Variants in CDH1 observed in about 807,000 individuals in gnomAD.
CDH1 encodes cadherin 1.
Under a neutral mutation model 84.5 loss-of-function variants are expected in CDH1, and 35 were observed. That is an observed-to-expected ratio of 0.41 (90% confidence interval 0.32 to 0.55). The LOEUF is 0.55. Ranked by LOEUF, CDH1 falls within the 20% of genes least tolerant of loss-of-function variation. The pLI is 0.19. For synonymous variants in CDH1, 417 were observed against 439.0 expected (o/e 0.95, Z 0.63); for missense variants, 994 against 1,126.6 (o/e 0.88, Z 1.68).
intron 13 of CDH1, among the ~76,000 whole-genome samples, chr16:68,827,909 A>G (rs988861235): frequency 2.6e-5 from 4 of 152,202 alleles, no homozygotes; most frequent in Non-Finnish European, 5.9e-5. Flanking sequence ...GATTTGGGAA[A>G]ATGACAGTGA....
At position 68,769,498 on chromosome 16, in the gene CDH1, A is replaced by G. The variant is rs188298035; in HGVS notation, c.163+31087A>G. Among the ~76,000 whole-genome samples, 913 of 151,534 alleles carry G rather than the reference A, an allele frequency of 6.0e-3. 9 individuals are homozygous for G. The highest frequency in any genetic ancestry group is 0.021 in the African/African-American group (871 of 41,302). ...TTTTTTTCCTCTTTTTAATTGAGACAGGGTCTCACTATGTTGCCCAGGCTG... is the reference window on the plus strand; with the variant it reads ...TTTTTTTCCTCTTTTTAATTGAGACGGGGTCTCACTATGTTGCCCAGGCTG... On this transcript the variant is annotated intron_variant, in intron 2 of 15. Coordinates refer to ENST00000261769, the MANE Select transcript of CDH1 (RefSeq NM_004360.5).
intron 2 of CDH1, among the ~76,000 whole-genome samples, chr16:68,775,141 A>AAG (rs1461308956): frequency 3.3e-5 from 5 of 151,112 alleles, no homozygotes; most frequent in African/African-American, 9.7e-5. Context: ...AAAAAAAAAA[A>AAG]GAAAAAAGAA....
chr16:68,819,522 TC>T, intron 11 of CDH1, 97 bp downstream of exon 11: 1 of 1,305,790 alleles, frequency 7.7e-7, no homozygotes, highest in Non-Finnish European at 1.1e-6. Context: ...TCATTCTTTT[TC>T]TTTTATCCTT....
intron 2 of CDH1, among the ~76,000 whole-genome samples, chr16:68,760,889 C>A (rs1212865713): frequency 6.6e-6 from 1 of 152,088 alleles, no homozygotes; most frequent in Non-Finnish European, 1.5e-5. Context: ...TACGGGGAGA[C>A]TCTCAGCCTC....
chr16:68,816,308 A>C (rs753114668), intron 10 of CDH1, among the ~76,000 whole-genome samples: 5 of 152,194 alleles, frequency 3.3e-5, no homozygotes, highest in Non-Finnish European at 7.3e-5. Flanking sequence ...CACCGCACCC[A>C]GCCCATAGTA....
rs1596970607 is a variant in CDH1, at chr16:68,828,165, C to G, written c.2165-9C>G. 1 of 1,613,722 alleles carries G rather than the reference C, an allele frequency of 6.2e-7. No individual in the cohort carries two copies. Among genetic ancestry groups the G allele is most frequent in the Non-Finnish European group, 8.5e-7 (1 of 1,179,764 alleles). On this transcript the variant is annotated splice_polypyrimidine_tract_variant and intron_variant, in intron 13 of 15. Transcript: ENST00000261769. ...CTCAACACTTGCTCTGTCTCCCCCA[C>G]CATCCCAGTTCTGATTCTGCTGCTC...
At chr16:68,796,172 A>C (rs542658505) in intron 2 of CDH1, among the ~76,000 whole-genome samples, 5 of 152,206 alleles carry the variant, frequency 3.3e-5, no homozygotes, top group African/African-American at 7.2e-5. Flanking sequence ...TTAAAAACAA[A>C]AAAAAAAGAA....
intron 2 of CDH1, among the ~76,000 whole-genome samples, chr16:68,743,007 G>A (rs1231191035): frequency 6.6e-6 from 1 of 152,184 alleles, no homozygotes; most frequent in Non-Finnish European, 1.5e-5. Context: ...TCTTGGGCCC[G>A]GCAAGGCCAT....
In CDH1 at chr16:68,823,620, T is replaced by G. The variant is rs1181973072; in HGVS notation, c.2158T>G (p.Leu720Val). The change falls in exon 13 of 16, where the codon TTG (leucine) becomes GTG (valine). Residue 720 changes from leucine (L) to valine (V), a missense_variant. Physicochemically the swap from Leu to Val is conservative, Grantham distance 32. This residue lies in a region of CDH1 where 769 missense variants were observed against 881.8 expected (regional missense o/e 0.87). Coordinates refer to ENST00000261769, the MANE Select transcript of CDH1 (RefSeq NM_004360.5). The stretch of plus-strand genomic sequence containing the variant: ...GGGGATTCTTGGAGGAATTCTTGCT[T>G]TGCTAAGTAAGTCCAGCTGGCAAGT... Reference protein sequence around the residue: ...ILGILGGILALLILILLLLLF... With the variant: ...ILGILGGILAVLILILLLLLF... 6.2e-7 allele frequency: 1 copy of G among 1,608,440 alleles called. No individual in the cohort carries two copies. The highest frequency in any genetic ancestry group is 1.1e-5 in the South Asian group (1 of 90,988).
chr16:68,743,279 G>A (rs1168166296), intron 2 of CDH1, among the ~76,000 whole-genome samples: 1 of 150,128 alleles, frequency 6.7e-6, no homozygotes, highest in Non-Finnish European at 1.5e-5. Flanking sequence ...TCCTTGCTGG[G>A]TCTCTTTCTT....
At chr16:68,812,765 G>A (rs1567507451) in intron 8 of CDH1, among the ~76,000 whole-genome samples, 1 of 152,204 alleles carries the variant, frequency 6.6e-6, no homozygotes, top group African/African-American at 2.4e-5. Context: ...ATAATGGCCA[G>A]GCGTGGTGGC....
In CDH1 at chr16:68,829,411, T is replaced by C. The variant is rs2276329; in HGVS notation, c.2296-243T>C. Among the ~76,000 whole-genome samples, 13,064 of 152,248 alleles carry C rather than the reference T, an allele frequency of 0.086. 572 individuals carry two copies. The highest frequency in any genetic ancestry group is 0.14 in the Middle Eastern group (40 of 294). ...AATCATCATGTCCTATGAAAATTAG[T>C]AAGGCACACAGCCTATATCTGGATC... On this transcript the variant is annotated intron_variant, in intron 14 of 15. Coordinates refer to ENST00000261769, the MANE Select transcript of CDH1 (RefSeq NM_004360.5).
chr16:68,795,496 T>A (rs116867142), intron 2 of CDH1, among the ~76,000 whole-genome samples: 3,190 of 148,852 alleles, frequency 0.021, 55 homozygotes, highest in Middle Eastern at 0.042. Context: ...TTTTTGTTTG[T>A]TTGTTTGTTT....
At chr16:68,772,017 GA>G (rs1959593043) in intron 2 of CDH1, among the ~76,000 whole-genome samples, 1 of 152,242 alleles carries the variant, frequency 6.6e-6, no homozygotes, top group Admixed American at 6.5e-5. Flanking sequence ...GCAGGCAGGA[GA>G]GGTGAAATCA....
intron 2 of CDH1, among the ~76,000 whole-genome samples, chr16:68,785,377 A>G (rs1178034228): frequency 3.3e-5 from 5 of 152,120 alleles, no homozygotes; most frequent in Admixed American, 2.0e-4. Context: ...TTTTTAGTAG[A>G]GACACGGTTT....
chr16:68,794,350 G>C (rs2152124213), intron 2 of CDH1, among the ~76,000 whole-genome samples: 1 of 152,074 alleles, frequency 6.6e-6, no homozygotes, highest in African/African-American at 2.4e-5. Context: ...GTGTCCATTA[G>C]CTCTTAGTAG....
At chr16:68,762,709 G>A (rs1357909654) in intron 2 of CDH1, among the ~76,000 whole-genome samples, 1 of 152,026 alleles carries the variant, frequency 6.6e-6, no homozygotes, top group African/African-American at 2.4e-5. Flanking sequence ...AGGAGTTTGA[G>A]ACCAGCCTGG....
At chr16:68,787,974 T>A (rs193116699) in intron 2 of CDH1, among the ~76,000 whole-genome samples, 365 of 151,652 alleles carry the variant, frequency 2.4e-3, no homozygotes, top group Middle Eastern at 6.8e-3. Flanking sequence ...TATAGGCATG[T>A]GCCACCACGC....
In CDH1 at chr16:68,738,311, C is replaced by T. The variant is rs1212723972; in HGVS notation, c.63C>T (p.Leu21=). Residue 21 remains leucine, a synonymous_variant, in exon 2 of 16, where the codon CTC becomes CTT. Coordinates refer to ENST00000261769, the MANE Select transcript of CDH1 (RefSeq NM_004360.5). ...CCCCACCCCAGGTCTCCTCTTGGCT[C>T]TGCCAGGAGCCGGAGCCCTGCCACC... The part of the protein sequence containing the change: ...LLLLLQVSSW[L]CQEPEPCHPG... The T allele has an allele frequency of 6.4e-7, 1 of 1,550,636 alleles. No individual in the cohort carries two copies. The highest frequency in any genetic ancestry group is 8.7e-7 in the Non-Finnish European group (1 of 1,146,076).
Sources: gnomAD v4.1 joint callset for allele counts (sites outside exome capture counted in the v4.1 genomes callset) on GRCh38, gnomAD v4.1.1 for gene constraint, gnomAD v4.1.1 regional missense constraint, MANE v1.5 for transcripts, NCBI Gene and HGNC (gene_info 2026-07-23, HGNC 2026-07-21) for gene names.